Variants in GLIS3 observed in about 807,000 individuals in gnomAD.
GLIS3 encodes zinc finger protein GLIS3.
In GLIS3, 53 loss-of-function variants were observed where a neutral mutation model predicts 78.6. The observed-to-expected ratio is 0.67, with a 90% CI of 0.54 to 0.85. The LOEUF (loss-of-function observed/expected upper bound fraction) is 0.85, where lower values mean the gene tolerates loss of function less well. Ranked by LOEUF, GLIS3 falls within the 40% of genes least tolerant of loss-of-function variation. GLIS3 has a pLI of 0.00. For missense variants in GLIS3, 1,703 were observed against 1,231.1 expected (o/e 1.38, Z -5.74); for synonymous variants, 684 against 509.9 (o/e 1.34, Z -4.60).
intron 9 of GLIS3, among the ~76,000 whole-genome samples, chr9:3,841,083 G>C (rs995532840): frequency 6.6e-6 from 1 of 152,166 alleles, no homozygotes; most frequent in African/African-American, 2.4e-5. Flanking sequence ...AACCGAGTGA[G>C]AAGGCAGCAT....
chr9:3,879,894 T>C lies in GLIS3; in HGVS notation c.2129-299A>G, dbSNP rs539373317. On this transcript the variant is annotated intron_variant, in intron 7 of 10. Coordinates refer to ENST00000381971, the MANE Select transcript of GLIS3 (RefSeq NM_001042413.2). ...TGTATAATTAGTCAGTCTTGTACTG[T>C]TTGCATCTGTGCCAAGGTCTCTGTA... Among the ~76,000 whole-genome samples, 47 of 152,204 alleles carry C rather than the reference T, an allele frequency of 3.1e-4. No homozygotes were observed. The East Asian group carries it at 8.7e-3, about 28-fold the overall frequency.
intron 4 of GLIS3, among the ~76,000 whole-genome samples, chr9:4,095,527 T>C (rs567501432): frequency 6.6e-6 from 1 of 152,250 alleles, no homozygotes; most frequent in East Asian, 1.9e-4. Flanking sequence ...ACAGTAAGGA[T>C]TACTGAATGA....
the GLIS3 span, among the ~76,000 whole-genome samples, chr9:4,454,351 C>G: frequency 6.6e-6 from 1 of 152,136 alleles, no homozygotes; most frequent in East Asian, 1.9e-4. Flanking sequence ...TCCATTTTCA[C>G]AGAACTGATG....
intron 1 of GLIS3, among the ~76,000 whole-genome samples, chr9:4,288,120 T>A (rs1828153751): frequency 6.6e-6 from 1 of 152,212 alleles, no homozygotes; most frequent in Admixed American, 6.5e-5. Context: ...CAATGCTTTT[T>A]ATGGTACATT....
At chr9:4,365,284 T>C in the GLIS3 span, among the ~76,000 whole-genome samples, 1 of 152,112 alleles carries the variant, frequency 6.6e-6, no homozygotes, top group Non-Finnish European at 1.5e-5. Flanking sequence ...CAAATCAGGC[T>C]GGGTGCGGTG....
At chr9:4,187,206 C>G (rs950558488) in intron 2 of GLIS3, among the ~76,000 whole-genome samples, 7 of 152,210 alleles carry the variant, frequency 4.6e-5, no homozygotes, top group African/African-American at 1.7e-4. Flanking sequence ...TTTCAGCTTT[C>G]TACATATGGC....
At chr9:3,961,357 G>C (rs1460525995) in intron 4 of GLIS3, among the ~76,000 whole-genome samples, 2 of 152,118 alleles carry the variant, frequency 1.3e-5, no homozygotes, top group African/African-American at 4.8e-5. Flanking sequence ...TGGAATACAG[G>C]CTTGAATCTG....
chr9:3,939,853 A>G (rs959673596), intron 4 of GLIS3, among the ~76,000 whole-genome samples: 1 of 152,226 alleles, frequency 6.6e-6, no homozygotes, highest in Non-Finnish European at 1.5e-5. Context: ...TGCAGGAACC[A>G]TGGAACCCAA....
At chr9:4,120,325 A>C (rs1832078831) in intron 3 of GLIS3, among the ~76,000 whole-genome samples, 2 of 152,228 alleles carry the variant, frequency 1.3e-5, no homozygotes, top group Admixed American at 1.3e-4. Context: ...AGATGTTACC[A>C]TCGAGTGAAG....
chr9:4,279,324 T>TACACAC (rs141790371), intron 2 of GLIS3, among the ~76,000 whole-genome samples: 2,518 of 84,114 alleles, frequency 0.03, 58 homozygotes, highest in Non-Finnish European at 0.042. Context: ...AATATATATA[T>TACACAC]ACACACACAC....
the GLIS3 span, among the ~76,000 whole-genome samples, chr9:4,378,454 CT>C: frequency 6.6e-6 from 1 of 152,006 alleles, no homozygotes; most frequent in Admixed American, 6.6e-5. Context: ...CTCAGTCCAG[CT>C]TTTCCTGACT....
At chr9:4,227,203 G>C (rs1304308034) in intron 2 of GLIS3, among the ~76,000 whole-genome samples, 1 of 151,838 alleles carries the variant, frequency 6.6e-6, no homozygotes, top group Non-Finnish European at 1.5e-5. Flanking sequence ...TTCCTCCCTC[G>C]GTTGGGTGTT....
At chr9:4,037,830 C>T (rs1023153555) in intron 4 of GLIS3, among the ~76,000 whole-genome samples, 1 of 151,898 alleles carries the variant, frequency 6.6e-6, no homozygotes, top group African/African-American at 2.4e-5. Flanking sequence ...TTAAATACAC[C>T]ATTTTATTTA....
chr9:4,156,522 T>G (rs959561680), intron 2 of GLIS3, among the ~76,000 whole-genome samples: 1 of 152,178 alleles, frequency 6.6e-6, no homozygotes, highest in Non-Finnish European at 1.5e-5. Flanking sequence ...TAGAGGTAAG[T>G]AGGGCACAGA....
the GLIS3 span, among the ~76,000 whole-genome samples, chr9:4,372,397 T>C: frequency 0.094 from 14,232 of 152,102 alleles, 723 homozygotes; most frequent in South Asian, 0.12. Context: ...GCCCCTCCCA[T>C]GGTTAGCTAA....
intron 4 of GLIS3, among the ~76,000 whole-genome samples, chr9:3,978,696 T>A (rs1314633350): frequency 1.3e-5 from 2 of 152,022 alleles, no homozygotes; most frequent in Non-Finnish European, 2.9e-5. Flanking sequence ...GTATGTATTA[T>A]ACACACACAC....
At chr9:3,925,031 G>T (rs1458403021) in intron 6 of GLIS3, among the ~76,000 whole-genome samples, 1 of 152,074 alleles carries the variant, frequency 6.6e-6, no homozygotes, top group Non-Finnish European at 1.5e-5. Context: ...TTACACAGTT[G>T]GCCAGAACTG....
rs73388221 is a variant in GLIS3 at position 3,986,662 on chromosome 9, G to A, written c.1711-49473C>T. ...GGCCTCCTCCACTGAAAGTCATCTGGCGGCCTGACTGTGAAGCCCTTTTGC... is the reference window on the plus strand; with the variant it reads ...GGCCTCCTCCACTGAAAGTCATCTGACGGCCTGACTGTGAAGCCCTTTTGC... On this transcript the variant is annotated intron_variant, in intron 4 of 10. Transcript: ENST00000381971. Among the ~76,000 whole-genome samples, 593 of 152,356 alleles carry A rather than the reference G, an allele frequency of 3.9e-3. 3 individuals are homozygous for A. Among genetic ancestry groups the A allele is most frequent in the African/African-American group, 0.013 (536 of 41,586 alleles).
At chr9:4,366,910 T>G in the GLIS3 span, among the ~76,000 whole-genome samples, 1 of 152,132 alleles carries the variant, frequency 6.6e-6, no homozygotes, top group Non-Finnish European at 1.5e-5. Flanking sequence ...GGAAGACCAC[T>G]AGCTCCCTCT....
Sources: allele counts gnomAD v4.1 joint callset (sites outside exome capture counted in the v4.1 genomes callset), GRCh38; gene constraint gnomAD v4.1.1; transcripts MANE v1.5; gene names NCBI Gene and HGNC (gene_info 2026-07-23, HGNC 2026-07-21).